Variants in VAPA observed in about 807,000 individuals in gnomAD.
VAPA encodes VAMP associated protein A.
A neutral mutation model predicts 25.6 loss-of-function variants in VAPA; 6 were observed. The ratio of observed to expected loss-of-function variants is 0.23; its 90% CI spans 0.13 to 0.46. The LOEUF is 0.46. VAPA is among the 20% of genes least tolerant of loss of function. VAPA has a pLI of 0.99. For missense variants in VAPA, 244 were observed against 302.1 expected, an observed-to-expected ratio of 0.81 and a Z score of 1.43; for synonymous variants, 112 against 106.2, an observed-to-expected ratio of 1.05 and a Z score of -0.34.
Position 9,914,250 on chromosome 18 carries a change from C to G in VAPA, c.-7C>G. 1 of 1,579,662 alleles carries G rather than the reference C, an allele frequency of 6.3e-7. No homozygotes were observed. Among genetic ancestry groups the G allele is most frequent in the Non-Finnish European group, 8.6e-7 (1 of 1,165,020 alleles). On this transcript the variant is annotated 5_prime_UTR_variant, in exon 1 of 6. Coordinates refer to ENST00000400000, the MANE Select transcript of VAPA (RefSeq NM_194434.3). ...CGGGCGCGCCCCCGCTCTGCGCTGT[C>G]TCTCCGATGGCGTCCGCCTCAGGGG...
chr18:9,927,216 T>C (rs2069207792), intron 1 of VAPA, among the ~76,000 whole-genome samples: 1 of 152,136 alleles, frequency 6.6e-6, no homozygotes, highest in South Asian at 2.1e-4. Flanking sequence ...CAGATAGATA[T>C]GCTGCAAAGT....
At chr18:9,930,060 C>T (rs969986460) in intron 1 of VAPA, among the ~76,000 whole-genome samples, 1 of 152,118 alleles carries the variant, frequency 6.6e-6, no homozygotes, top group East Asian at 1.9e-4. Context: ...TGAAAACTGA[C>T]CCACAGTCAT....
At chr18:9,952,463 A>G (rs2069499767) in intron 5 of VAPA, among the ~76,000 whole-genome samples, 1 of 150,954 alleles carries the variant, frequency 6.6e-6, no homozygotes. Flanking sequence ...GCTACTTGGG[A>G]GGCTGAGGCA....
chr18:9,920,337 T>G (rs1209676803), intron 1 of VAPA, among the ~76,000 whole-genome samples: 1 of 152,212 alleles, frequency 6.6e-6, no homozygotes, highest in Non-Finnish European at 1.5e-5. Context: ...GAGTCTCGCT[T>G]TGTCACCCAT....
chr18:9,952,576 A>AC (rs1309737738), intron 5 of VAPA, among the ~76,000 whole-genome samples: 29 of 151,922 alleles, frequency 1.9e-4, no homozygotes, highest in African/African-American at 6.5e-4. Flanking sequence ...AAAAAAAAAA[A>AC]AAAACAAAAC....
Position 9,944,259 on chromosome 18 carries a change from TATC to T in VAPA, c.418-6133_418-6131del, listed in dbSNP as rs1175417532. ...TCTTATAAAGGGATTTCAGGGGTCTTATCATAAAATGGTTGAATATACATTATT... is the reference window on the plus strand; with the variant it reads ...TCTTATAAAGGGATTTCAGGGGTCTTATAAAATGGTTGAATATACATTATT... On this transcript the variant is annotated intron_variant, in intron 4 of 5. Transcript: ENST00000400000. Among the ~76,000 whole-genome samples the T allele has an allele frequency of 3.9e-5, 6 of 152,144 alleles. No individual in the cohort carries two copies. The South Asian group carries it at 1.0e-3, about 26-fold the overall frequency.
intron 5 of VAPA, 109 bp downstream of exon 5, chr18:9,950,677 T>G (rs930000165): frequency 8.3e-7 from 1 of 1,207,862 alleles, no homozygotes; most frequent in Non-Finnish European, 1.1e-6. Context: ...TGGTCAGTTC[T>G]TTCTTCTTTG....
At chr18:9,933,739 T>C (rs1249476275) in intron 2 of VAPA, among the ~76,000 whole-genome samples, 1 of 152,190 alleles carries the variant, frequency 6.6e-6, no homozygotes, top group East Asian at 1.9e-4. Flanking sequence ...GGTTTCACCA[T>C]GTTGGCCAGG....
At chr18:9,944,084 T>C (rs1329117545) in intron 4 of VAPA, among the ~76,000 whole-genome samples, 2 of 151,782 alleles carry the variant, frequency 1.3e-5, no homozygotes, top group Non-Finnish European at 1.5e-5. Context: ...CTCCTGACCT[T>C]GTGATCCGCC....
In VAPA at chr18:9,940,660, T is replaced by G. The variant is rs576715547; in HGVS notation, c.417+3594T>G. On this transcript the variant is annotated intron_variant, in intron 4 of 5. Coordinates refer to ENST00000400000, the MANE Select transcript of VAPA (RefSeq NM_194434.3). The stretch of plus-strand genomic sequence containing the variant: ...AATCCAATACTGATCCTGAGAAGAA[T>G]GGGCGGGTACTTCTATGAACCAGCT... Among the ~76,000 whole-genome samples the G allele has an allele frequency of 3.9e-5, 6 of 152,308 alleles. No homozygotes were observed. The East Asian group carries it at 1.2e-3, about 29-fold the overall frequency.
Position 9,954,127 on chromosome 18 carries a change from T to G in VAPA, c.666T>G (p.Asp222Glu), listed in dbSNP as rs989576328. 1 of 1,614,042 alleles carries G rather than the reference T, an allele frequency of 6.2e-7. No individual in the cohort carries two copies. Among genetic ancestry groups the G allele is most frequent in the African/African-American group, 1.3e-5 (1 of 74,938 alleles). ...PGSTSTASFR[D>E]NVTSPLPSLL... Reference sequence around the variant, plus strand: ...CAACCTCAACTGCATCCTTCAGAGATAATGTCACCAGTCCTCTTCCTTCAC... The same window carrying G: ...CAACCTCAACTGCATCCTTCAGAGAGAATGTCACCAGTCCTCTTCCTTCAC... Residue 222 changes from aspartate (D) to glutamate (E), a missense_variant, in exon 6 of 6, where the codon GAT becomes GAG. Physicochemically the swap from Asp to Glu is conservative, Grantham distance 45. Coordinates refer to ENST00000400000, the MANE Select transcript of VAPA (RefSeq NM_194434.3).
At chr18:9,922,569 C>G (rs2069166143) in intron 1 of VAPA, among the ~76,000 whole-genome samples, 1 of 152,054 alleles carries the variant, frequency 6.6e-6, no homozygotes, top group Admixed American at 6.6e-5. Flanking sequence ...AATATATATG[C>G]TGGTGACTGA....
chr18:9,954,234 T>TTA lies in VAPA; in HGVS notation c.*24_*25insAT. ...TAGAGTGAAGCATGCAGAGTGCTGT[T>TTA]TCTTTTTTTTTTTTTCTCTTGACCA... is the stretch of plus-strand genomic sequence containing the variant. On this transcript the variant is annotated 3_prime_UTR_variant, in exon 6 of 6. Coordinates refer to ENST00000400000, the MANE Select transcript of VAPA (RefSeq NM_194434.3). 6.4e-7 allele frequency: 1 copy of TTA among 1,566,320 alleles called. No homozygotes were observed. Among genetic ancestry groups the TTA allele is most frequent in the Non-Finnish European group, 8.6e-7 (1 of 1,163,136 alleles).
chr18:9,945,015 A>G (rs748474843), intron 4 of VAPA: 128 of 1,614,090 alleles, frequency 7.9e-5, no homozygotes, highest in Non-Finnish European at 9.8e-5. Context: ...CACACGAAGG[A>G]TGACCCCAGG....
chr18:9,937,624 C>CAA (rs530126865), intron 4 of VAPA, among the ~76,000 whole-genome samples: 1 of 152,056 alleles, frequency 6.6e-6, no homozygotes, highest in African/African-American at 2.4e-5. Flanking sequence ...CAAAAACAAA[C>CAA]AAAAAATAGT....
At chr18:9,934,571 G>T (rs921695640) in intron 2 of VAPA, among the ~76,000 whole-genome samples, 2 of 152,136 alleles carry the variant, frequency 1.3e-5, no homozygotes, top group Non-Finnish European at 2.9e-5. Context: ...TTATGAATAA[G>T]ACTTTATTAC....
intron 4 of VAPA, chr18:9,944,873 G>T (rs763765516): frequency 1.3e-6 from 2 of 1,589,038 alleles, no homozygotes; most frequent in African/African-American, 2.7e-5. Flanking sequence ...TCATGCAGAA[G>T]AAATCAGAGT....
intron 1 of VAPA, among the ~76,000 whole-genome samples, chr18:9,918,054 TTG>T (rs2069126882): frequency 6.6e-6 from 1 of 152,168 alleles, no homozygotes. Flanking sequence ...TGCCTTCCTC[TTG>T]TAACACCTGT....
At chr18:9,917,260 A>G (rs2069119284) in intron 1 of VAPA, among the ~76,000 whole-genome samples, 1 of 152,218 alleles carries the variant, frequency 6.6e-6, no homozygotes, top group Admixed American at 6.5e-5. Context: ...AATTCCATTT[A>G]TAATGTATTA....
Sources: allele counts gnomAD v4.1 joint callset (sites outside exome capture counted in the v4.1 genomes callset), GRCh38; gene constraint gnomAD v4.1.1; transcripts MANE v1.5; gene names NCBI Gene and HGNC (gene_info 2026-07-23, HGNC 2026-07-21).